PRELID2: variants seen among roughly 807,000 people sequenced by gnomAD.
PRELID2 encodes PRELI domain containing 2, also known as PRELI domain-containing protein 2.
PRELID2 carries 25 observed loss-of-function variants against 28.4 expected under a neutral mutation model. The ratio of observed to expected loss-of-function variants is 0.88; its 90% CI spans 0.64 to 1.23. The LOEUF (loss-of-function observed/expected upper bound fraction) is 1.23, where lower values mean the gene tolerates loss of function less well. Among genes scored for constraint, PRELID2 ranks in the 50% most tolerant of loss-of-function variants. The pLI is 0.00. For missense variants in PRELID2, 201 were observed against 214.4 expected (o/e 0.94, Z 0.39); for synonymous variants, 76 against 71.6 (o/e 1.06, Z -0.31).
At chr5:145,380,111 A>G in the PRELID2 span, among the ~76,000 whole-genome samples, 1 of 151,928 alleles carries the variant, frequency 6.6e-6, no homozygotes, top group East Asian at 1.9e-4. Context: ...TGCCCCTACC[A>G]CTTCTCTAGG....
chr5:145,465,967 T>C, the PRELID2 span, among the ~76,000 whole-genome samples: 6 of 152,146 alleles, frequency 3.9e-5, no homozygotes, highest in African/African-American at 1.4e-4. Flanking sequence ...CTGACCATCA[T>C]GAATTCAGCT....
the PRELID2 span, among the ~76,000 whole-genome samples, chr5:145,416,933 AG>A: frequency 3.3e-5 from 5 of 152,030 alleles, no homozygotes; most frequent in African/African-American, 1.2e-4. Context: ...AAAAAGCAAA[AG>A]CAAGTTAGTT....
At chr5:145,274,685 A>T in the PRELID2 span, among the ~76,000 whole-genome samples, 1 of 152,172 alleles carries the variant, frequency 6.6e-6, no homozygotes, top group Non-Finnish European at 1.5e-5. Context: ...AGGAAGAGAC[A>T]AAAACAGAAG....
chr5:145,282,192 T>C, the PRELID2 span, among the ~76,000 whole-genome samples: 42,610 of 152,122 alleles, frequency 0.28, 6,355 homozygotes, highest in Non-Finnish European at 0.31. Flanking sequence ...TACTCATTTT[T>C]ATGGCTACCT....
chr5:145,493,618 T>C (rs1484864323), intron 1 of PRELID2, among the ~76,000 whole-genome samples: 1 of 152,180 alleles, frequency 6.6e-6, no homozygotes, highest in Non-Finnish European at 1.5e-5. Flanking sequence ...CTGCTCCAGC[T>C]GTGTGAATGA....
At chr5:145,678,548 T>G (rs1561541687) in intron 1 of PRELID2, among the ~76,000 whole-genome samples, 1 of 152,190 alleles carries the variant, frequency 6.6e-6, no homozygotes, top group African/African-American at 2.4e-5. Flanking sequence ...ATGTAAGTCA[T>G]TCAGTGACCC....
chr5:145,753,965 C>T (rs933338135), downstream of PRELID2, among the ~76,000 whole-genome samples: 3 of 152,116 alleles, frequency 2.0e-5, no homozygotes, highest in South Asian at 2.1e-4. Flanking sequence ...TTGAGGTTCT[C>T]GGGCTCGCAG....
the PRELID2 span, among the ~76,000 whole-genome samples, chr5:145,427,734 A>G: frequency 6.6e-6 from 1 of 152,186 alleles, no homozygotes; most frequent in South Asian, 2.1e-4. Context: ...GATAAATGGT[A>G]TAAGGAAATA....
At chr5:145,616,620 G>A (rs1753702117) in intron 1 of PRELID2, among the ~76,000 whole-genome samples, 1 of 152,156 alleles carries the variant, frequency 6.6e-6, no homozygotes, top group East Asian at 1.9e-4. Flanking sequence ...TTCAAAAGGG[G>A]AGGGAGTGTA....
intron 1 of PRELID2, among the ~76,000 whole-genome samples, chr5:145,709,077 T>C (rs1224659042): frequency 6.6e-6 from 1 of 152,186 alleles, no homozygotes; most frequent in Non-Finnish European, 1.5e-5. Flanking sequence ...TAGACCTGAC[T>C]GCAAGACCAC....
At chr5:145,257,547 G>A in the PRELID2 span, among the ~76,000 whole-genome samples, 10 of 152,010 alleles carry the variant, frequency 6.6e-5, no homozygotes, top group Admixed American at 1.3e-4. Flanking sequence ...ATTATAAGTC[G>A]GAGATTGCCA....
chr5:145,411,616 G>T, the PRELID2 span, among the ~76,000 whole-genome samples: 1 of 152,200 alleles, frequency 6.6e-6, no homozygotes, highest in Non-Finnish European at 1.5e-5. Context: ...GGCACACAGT[G>T]CAAGCTGTCA....
chr5:145,460,157 T>C, the PRELID2 span, among the ~76,000 whole-genome samples: 1 of 152,188 alleles, frequency 6.6e-6, no homozygotes, highest in Admixed American at 6.5e-5. Context: ...ACAATTCATG[T>C]CATTAACTAG....
At chr5:145,633,979 T>C (rs1753967462) in intron 1 of PRELID2, among the ~76,000 whole-genome samples, 1 of 152,200 alleles carries the variant, frequency 6.6e-6, no homozygotes, top group South Asian at 2.1e-4. Context: ...TGCCTCATGT[T>C]AGATAATTGC....
chr5:145,235,107 A>C, the PRELID2 span, among the ~76,000 whole-genome samples: 1 of 152,174 alleles, frequency 6.6e-6, no homozygotes, highest in African/African-American at 2.4e-5. Context: ...TGACCTTAGC[A>C]GACTATCAGC....
chr5:145,716,381 C>T (rs923976130), intron 1 of PRELID2, among the ~76,000 whole-genome samples: 4 of 152,138 alleles, frequency 2.6e-5, no homozygotes, highest in African/African-American at 9.7e-5. Flanking sequence ...GAGAAGAAAT[C>T]GTGGTGAGCT....
chr5:145,267,020 TG>T, the PRELID2 span, among the ~76,000 whole-genome samples: 1 of 151,912 alleles, frequency 6.6e-6, no homozygotes, highest in Non-Finnish European at 1.5e-5. Context: ...TTTGGGGACT[TG>T]GGGAAAAAGG....
At chr5:145,415,441 C>T in the PRELID2 span, among the ~76,000 whole-genome samples, 1 of 147,972 alleles carries the variant, frequency 6.8e-6, no homozygotes, top group Admixed American at 6.8e-5. Context: ...CACCCCCACC[C>T]CACAACAGTC....
At chr5:145,673,371 A>G (rs1754748842) in intron 1 of PRELID2, among the ~76,000 whole-genome samples, 1 of 152,202 alleles carries the variant, frequency 6.6e-6, no homozygotes, top group Non-Finnish European at 1.5e-5. Context: ...GTATGGAAGT[A>G]TCAGGCACTA....
Sources: allele counts gnomAD v4.1 joint callset (sites outside exome capture counted in the v4.1 genomes callset), GRCh38; gene constraint gnomAD v4.1.1; transcripts MANE v1.5; gene names NCBI Gene and HGNC (gene_info 2026-07-23, HGNC 2026-07-21).